Variants in FGF13 observed in about 807,000 individuals in gnomAD.
FGF13 encodes fibroblast growth factor homologous factor 2.
A neutral mutation model predicts 19.5 loss-of-function variants in FGF13; 2 were observed. The observed-to-expected ratio is 0.10, with a 90% CI of 0.04 to 0.32. The LOEUF (loss-of-function observed/expected upper bound fraction) is 0.32, where lower values mean the gene tolerates loss of function less well. Among genes scored for constraint, FGF13 ranks in the 10% least tolerant of loss-of-function variants. FGF13 has a pLI of 1.00. For synonymous variants in FGF13, 72 were observed against 76.9 expected, an observed-to-expected ratio of 0.94 and a Z score of 0.33; for missense variants, 113 against 192.7, an observed-to-expected ratio of 0.59 and a Z score of 2.45.
At chrX:139,067,445 C>A (rs960605403) in intron 1 of FGF13, among the ~76,000 whole-genome samples, 3 of 111,453 alleles carry the variant, frequency 2.7e-5, no homozygotes, top group African/African-American at 9.8e-5. Context: ...TGTCAGGATA[C>A]AAAATCAATG....
intron 3 of FGF13, among the ~76,000 whole-genome samples, chrX:138,673,285 C>A (rs1290058326): frequency 1.8e-5 from 2 of 111,324 alleles, no homozygotes; most frequent in Admixed American, 9.5e-5. Context: ...CAGTTACATG[C>A]GATGGCTGGA....
chrX:139,171,316 T>C (rs953262511), intron 1 of FGF13, among the ~76,000 whole-genome samples: 5 of 112,332 alleles, frequency 4.5e-5, no homozygotes, highest in Non-Finnish European at 9.4e-5. Context: ...TTTTTTCCTT[T>C]TGCCTCCTTA....
At chrX:138,761,977 T>A (rs1602801418) in intron 3 of FGF13, among the ~76,000 whole-genome samples, 2 of 109,878 alleles carry the variant, frequency 1.8e-5, no homozygotes, top group Admixed American at 2.0e-4. Context: ...AATAGCACTT[T>A]CTGTGATAAT....
chrX:138,625,854 T>A lies in FGF13; in HGVS notation c.*6996A>T, dbSNP rs1239490684. On this transcript the variant is annotated 3_prime_UTR_variant, in exon 5 of 5. Coordinates refer to ENST00000315930, the MANE Select transcript of FGF13 (RefSeq NM_004114.5). Reference sequence around the variant, plus strand: ...AAAATGTGCACTTTAGATGGGAAGATGTTGTTAGAACATAATTTTGCTGAT... The same window carrying A: ...AAAATGTGCACTTTAGATGGGAAGAAGTTGTTAGAACATAATTTTGCTGAT... The A allele has an allele frequency of 9.0e-6, 1 of 110,886 alleles. No individual in the cohort carries two copies. The allele number at this position is 110,886 out of a possible 1,213,427, so 9.1% of individuals were successfully genotyped here.
At chrX:138,958,786 T>C (rs2091854592) in intron 1 of FGF13, among the ~76,000 whole-genome samples, 1 of 111,956 alleles carries the variant, frequency 8.9e-6, no homozygotes, top group African/African-American at 3.3e-5. Context: ...CCATTTCTTC[T>C]AGATTTTCTA....
chrX:139,009,524 A>T (rs2092119280), intron 1 of FGF13, among the ~76,000 whole-genome samples: 1 of 111,852 alleles, frequency 8.9e-6, no homozygotes, highest in African/African-American at 3.2e-5. Context: ...AATAATTATC[A>T]GCCAAAAATT....
chrX:138,744,596 CT>C (rs2090342377), intron 3 of FGF13, among the ~76,000 whole-genome samples: 1 of 111,234 alleles, frequency 9.0e-6, no homozygotes, highest in African/African-American at 3.3e-5. Context: ...CATCATTATC[CT>C]GCTTGACATT....
intron 3 of FGF13, among the ~76,000 whole-genome samples, chrX:138,751,720 G>C (rs754614449): frequency 9.0e-6 from 1 of 111,607 alleles, no homozygotes; most frequent in South Asian, 3.8e-4. Context: ...GGAATGCATC[G>C]TATCAACTGG....
At chrX:138,800,433 A>C (rs953180146) in intron 3 of FGF13, among the ~76,000 whole-genome samples, 2 of 111,902 alleles carry the variant, frequency 1.8e-5, no homozygotes, top group African/African-American at 6.5e-5. Context: ...GGGTTTCTGC[A>C]CAGAGATCCG....
chrX:139,112,375 A>G (rs749346557), intron 1 of FGF13, among the ~76,000 whole-genome samples: 4 of 108,445 alleles, frequency 3.7e-5, no homozygotes, highest in African/African-American at 1.4e-4. Flanking sequence ...TTTTTTTGTA[A>G]TAACAACATT....
At chrX:138,849,912 C>G (rs1294894295) in intron 3 of FGF13, among the ~76,000 whole-genome samples, 1 of 111,649 alleles carries the variant, frequency 9.0e-6, no homozygotes, top group African/African-American at 3.2e-5. Flanking sequence ...AGCACTTTCG[C>G]AGATAAGTGT....
At chrX:138,806,043 T>A (rs1328480091) in intron 3 of FGF13, among the ~76,000 whole-genome samples, 1 of 111,884 alleles carries the variant, frequency 8.9e-6, no homozygotes, top group Non-Finnish European at 1.9e-5. Context: ...AATAACTAGG[T>A]TAATGAAAAT....
chrX:138,793,607 G>A (rs912947946), intron 3 of FGF13, among the ~76,000 whole-genome samples: 9 of 111,761 alleles, frequency 8.1e-5, no homozygotes, highest in African/African-American at 3.3e-5. Flanking sequence ...AATTAATACC[G>A]TACAACATGT....
chrX:138,925,267 C>A (rs2091666904), intron 1 of FGF13, among the ~76,000 whole-genome samples: 2 of 111,394 alleles, frequency 1.8e-5, no homozygotes, highest in South Asian at 7.5e-4. Flanking sequence ...TGCAAGGTCA[C>A]ACAGCAAGTT....
At chrX:138,872,807 C>A (rs901596554) in intron 1 of FGF13, among the ~76,000 whole-genome samples, 4 of 111,536 alleles carry the variant, frequency 3.6e-5, no homozygotes, top group Non-Finnish European at 7.5e-5. Context: ...TTTTTACTTT[C>A]TCCTTGGGAG....
Position 138,870,314 on chromosome X carries a change from C to T in FGF13, c.-112-5664G>A, listed in dbSNP as rs750306389. Among the ~76,000 whole-genome samples the T allele has an allele frequency of 2.7e-5, 3 of 111,704 alleles. No homozygotes were observed. In the South Asian group the frequency reaches 1.1e-3, roughly 42 times the overall value. ...ATATATACCATACACTTTTACATATCATTTTTAATATTCATAGCAACCCAT... is the reference window on the plus strand; with the variant it reads ...ATATATACCATACACTTTTACATATTATTTTTAATATTCATAGCAACCCAT... On this transcript the variant is annotated intron_variant, in intron 1 of 2. Coordinates refer to the FGF13 transcript ENST00000421460.
intron 1 of FGF13, among the ~76,000 whole-genome samples, chrX:138,879,391 G>A (rs774247376): frequency 3.6e-5 from 4 of 111,435 alleles, no homozygotes; most frequent in East Asian, 2.8e-4. Flanking sequence ...TTTTACTTCC[G>A]TTGCTCATGC....
intron 1 of FGF13, among the ~76,000 whole-genome samples, chrX:138,966,041 G>A (rs1235377736): frequency 8.9e-6 from 1 of 111,940 alleles, no homozygotes; most frequent in Non-Finnish European, 1.9e-5. Flanking sequence ...GCAAAGTATT[G>A]TTCCTGGGTG....
At chrX:139,112,971 AGTGTGTGTGTGTGTGTGTGTGTGTGT>A (rs748975156) in intron 1 of FGF13, among the ~76,000 whole-genome samples, 1 of 87,754 alleles carries the variant, frequency 1.1e-5, no homozygotes, top group African/African-American at 4.1e-5. Flanking sequence ...TTGATTATGT[AGTGTGTGTGTGTGTGTGTGTGTGTGT>A]GTGTGTGTGT....
Sources: gnomAD v4.1 joint callset for allele counts (sites outside exome capture counted in the v4.1 genomes callset) on GRCh38, gnomAD v4.1.1 for gene constraint, MANE v1.5 for transcripts, NCBI Gene and HGNC (gene_info 2026-07-23, HGNC 2026-07-21) for gene names.